AACS: variants seen among roughly 807,000 people sequenced by gnomAD.
AACS encodes the protein acetoacetate-CoA ligase.
AACS carries 69 observed loss-of-function variants against 83.1 expected under a neutral mutation model. The ratio of observed to expected loss-of-function variants is 0.83; its 90% CI spans 0.68 to 1.01. AACS has a LOEUF of 1.01. AACS is among the 50% of genes least tolerant of loss of function. The probability of loss-of-function intolerance (pLI) is 0.00; values close to 1 mark genes in which losing one functional copy is unlikely to be tolerated. For missense variants in AACS, 866 were observed against 882.2 expected, an observed-to-expected ratio of 0.98 and a Z score of 0.23; for synonymous variants, 333 against 343.4, an observed-to-expected ratio of 0.97 and a Z score of 0.33.
chr12:125,088,695 G>A (rs1327364110), intron 4 of AACS, among the ~76,000 whole-genome samples: 10 of 152,106 alleles, frequency 6.6e-5, no homozygotes, highest in African/African-American at 7.2e-5. Flanking sequence ...TGAAGCAAAC[G>A]TTTCTGAGTG....
chr12:125,124,825 C>G (rs1177908370), intron 11 of AACS, 56 bp downstream of exon 11: 17 of 1,613,766 alleles, frequency 1.1e-5, no homozygotes, highest in Non-Finnish European at 1.2e-5. Context: ...GAAATTAAAT[C>G]CATCCTATTT....
chr12:125,093,452 TC>T (rs1363544460), intron 5 of AACS, among the ~76,000 whole-genome samples: 1 of 152,208 alleles, frequency 6.6e-6, no homozygotes, highest in Non-Finnish European at 1.5e-5. Flanking sequence ...CCCCGCTGAC[TC>T]CAGTCCGGCA....
intron 5 of AACS, among the ~76,000 whole-genome samples, chr12:125,093,833 C>A (rs923646285): frequency 6.6e-6 from 1 of 152,258 alleles, no homozygotes; most frequent in Non-Finnish European, 1.5e-5. Context: ...ACGCACGTTA[C>A]TCGCACTCGA....
At chr12:125,088,471 G>C (rs975651769) in intron 4 of AACS, among the ~76,000 whole-genome samples, 1 of 152,130 alleles carries the variant, frequency 6.6e-6, no homozygotes, top group Non-Finnish European at 1.5e-5. Flanking sequence ...GGGCTCAAGA[G>C]ATCCTCCTGC....
rs773847093 is a variant in AACS, at chr12:125,114,497, G to A, written c.936G>A (p.Leu312=). 120 of 1,613,256 alleles carry A rather than the reference G, an allele frequency of 7.4e-5. No individual in the cohort carries two copies. Among genetic ancestry groups the A allele is most frequent in the Non-Finnish European group, 9.8e-5 (116 of 1,179,762 alleles). The change falls in exon 9 of 18, where the codon CTG becomes CTA. Residue 312 remains leucine, a synonymous_variant. Transcript: ENST00000316519. ...TGCAGGGCACCCTCATCCAGCATCT[G>A]AAGGAGCACCTGCTGCACGGCAACA... ...HSAGGTLIQH[L]KEHLLHGNMT...
chr12:125,132,459 C>T (rs931807664), intron 14 of AACS, among the ~76,000 whole-genome samples: 6 of 152,192 alleles, frequency 3.9e-5, no homozygotes, highest in Admixed American at 3.3e-4. Flanking sequence ...CCCAGGTGAG[C>T]GGCACAGGCT....
At position 125,118,771 on chromosome 12, in the gene AACS, T is replaced by A. The variant is rs760550627; in HGVS notation, c.1121+6T>A. 1.2e-6 allele frequency: 2 copies of A among 1,613,680 alleles called. No individual in the cohort carries two copies. The highest frequency in any genetic ancestry group is 3.3e-5 in the Admixed American group (2 of 59,960). On this transcript the variant is annotated splice_donor_region_variant and intron_variant, in intron 10 of 17. Coordinates refer to ENST00000316519, the MANE Select transcript of AACS (RefSeq NM_023928.5). ...GACCTGGTTGACAGGATAGGGTAGG[T>A]ACCAAGATGCTGTGCTCAAAGCAAG...
At chr12:125,109,127 G>A (rs1956896083) in intron 8 of AACS, among the ~76,000 whole-genome samples, 1 of 151,858 alleles carries the variant, frequency 6.6e-6, no homozygotes, top group Admixed American at 6.6e-5. Context: ...CATTTTCAAC[G>A]TCCTTTTGTT....
chr12:125,079,756 A>G (rs1956122925), intron 3 of AACS, among the ~76,000 whole-genome samples: 1 of 152,068 alleles, frequency 6.6e-6, no homozygotes, highest in South Asian at 2.1e-4. Context: ...CCTGCAGCTC[A>G]GTGGTTTTTA....
rs1488861447 is a variant in AACS at position 125,142,443 on chromosome 12, G to A, written c.*214G>A. On this transcript the variant is annotated 3_prime_UTR_variant, in exon 18 of 18. Coordinates refer to ENST00000316519, the MANE Select transcript of AACS (RefSeq NM_023928.5). ...GATTCTGGCCTTCAGAGACCAGGAG[G>A]GAGTGTCTGGGCCGCAGGTGTGGCA... The A allele has an allele frequency of 6.4e-6, 4 of 624,782 alleles. No homozygotes were observed. The African/African-American group carries it at 7.4e-5, about 12-fold the overall frequency. The allele number at this position is 624,782 out of a possible 1,614,324, so 38.7% of individuals were successfully genotyped here.
intron 10 of AACS, chr12:125,121,041 G>A (rs1024196418): frequency 6.6e-6 from 1 of 152,368 alleles, no homozygotes; most frequent in African/African-American, 2.4e-5. Flanking sequence ...ACAGCATGGT[G>A]GCTGGTTCCG....
rs866140471 is a variant in AACS, at chr12:125,086,202, C to T, written c.359-128C>T. ...ACCTGTATCTTGCTTGTGTTCCCTG[C>T]GTCTGTTTTCCCTGGGTGTAGATTA... On this transcript the variant is annotated intron_variant, in intron 3 of 17. Transcript: ENST00000316519. The T allele has an allele frequency of 3.7e-5, 27 of 733,758 alleles. 1 individual carries two copies. The Middle Eastern group carries it at 3.1e-3, about 84-fold the overall frequency. 45.5% of individuals were successfully genotyped at this position (733,758 alleles called of 1,614,324 possible).
intron 7 of AACS, among the ~76,000 whole-genome samples, chr12:125,103,618 A>G (rs1212188058): frequency 6.6e-6 from 1 of 152,220 alleles, no homozygotes; most frequent in Non-Finnish European, 1.5e-5. Context: ...CCCATTGCTG[A>G]TGACATCTTC....
rs1213217014 is a variant in AACS, at chr12:125,097,540, G to T, written c.571-5139G>T. Among the ~76,000 whole-genome samples the T allele has an allele frequency of 1.3e-5, 2 of 152,166 alleles. No individual in the cohort carries two copies. The highest frequency in any genetic ancestry group is 2.9e-5 in the Non-Finnish European group (2 of 68,030). On this transcript the variant is annotated intron_variant, in intron 5 of 17. Transcript: ENST00000316519. This position sits in a 1 kb window ranked among gnomAD's most constrained non-coding sequence, Gnocchi z 4.3. Reference sequence around the variant, plus strand: ...CCGCCCGCCGTGAACTTTGCTGAGGGGCAGAGGAAGTGGCGGGAGTAGAGA... The same window carrying T: ...CCGCCCGCCGTGAACTTTGCTGAGGTGCAGAGGAAGTGGCGGGAGTAGAGA...
intron 10 of AACS, 111 bp from the exon 11 acceptor site, chr12:125,124,594 G>C (rs909543117): frequency 7.8e-7 from 1 of 1,287,470 alleles, no homozygotes; most frequent in Non-Finnish European, 1.1e-6. Flanking sequence ...CCAGAAAACT[G>C]CTCTCTCTTG....
chr12:125,069,742 C>T (rs778816355), intron 1 of AACS, among the ~76,000 whole-genome samples: 5 of 152,220 alleles, frequency 3.3e-5, no homozygotes, highest in Middle Eastern at 3.2e-3. Context: ...AGCTGCACGT[C>T]GGCTCTCTGT....
intron 5 of AACS, among the ~76,000 whole-genome samples, chr12:125,096,967 G>GGGA (rs1956621763): frequency 6.6e-6 from 1 of 152,126 alleles, no homozygotes; most frequent in South Asian, 2.1e-4. Flanking sequence ...GAAGTGGCTG[G>GGGA]GGAGGAGGAA....
rs1956993602 is a variant in AACS at position 125,113,592 on chromosome 12, T to C, written c.916-885T>C. On this transcript the variant is annotated intron_variant, in intron 8 of 17. Coordinates refer to ENST00000316519, the MANE Select transcript of AACS (RefSeq NM_023928.5). This position sits in a 1 kb window ranked among gnomAD's most constrained non-coding sequence, Gnocchi z 4.8. Reference sequence around the variant, plus strand: ...GTGTGTTCTGGGCAGTGGAAGATTATATAGTTGTAAACAGACATGAGGGAG... The same window carrying C: ...GTGTGTTCTGGGCAGTGGAAGATTACATAGTTGTAAACAGACATGAGGGAG... Among the ~76,000 whole-genome samples, 1 of 152,176 alleles carries C rather than the reference T, an allele frequency of 6.6e-6. No homozygotes were observed. Among genetic ancestry groups the C allele is most frequent in the Non-Finnish European group, 1.5e-5 (1 of 68,036 alleles).
In AACS at chr12:125,097,946, C is replaced by T. The variant is rs1389023040; in HGVS notation, c.571-4733C>T. The stretch of plus-strand genomic sequence containing the variant: ...GTTCCTCTGTGACCCCGGCTAGGCA[C>T]TGCCATCTCTCACGCGTGCCGTCGT... On this transcript the variant is annotated intron_variant, in intron 5 of 17. Transcript: ENST00000316519. This position sits in a 1 kb window ranked among gnomAD's most constrained non-coding sequence, Gnocchi z 4.3. Among the ~76,000 whole-genome samples the T allele has an allele frequency of 6.6e-6, 1 of 152,268 alleles. No individual in the cohort carries two copies. The highest frequency in any genetic ancestry group is 1.5e-5 in the Non-Finnish European group (1 of 68,046).
Sources: allele counts gnomAD v4.1 joint callset (sites outside exome capture counted in the v4.1 genomes callset), GRCh38; gene constraint gnomAD v4.1.1; non-coding constraint Gnocchi (gnomAD v3.1); transcripts MANE v1.5; gene names NCBI Gene and HGNC (gene_info 2026-07-23, HGNC 2026-07-21).